The following ZNF227 variants were observed in gnomAD, a reference collection of about 807,000 sequenced individuals.
ZNF227 encodes zinc finger protein 227.
A neutral mutation model predicts 13.2 loss-of-function variants in ZNF227; 12 were observed. The observed-to-expected ratio is 0.91, with a 90% CI of 0.58 to 1.47. The LOEUF is 1.47. Ranked by LOEUF, ZNF227 falls within the 40% of genes most tolerant of loss-of-function variation. The pLI is 0.00. For synonymous variants in ZNF227, 338 were observed against 326.0 expected, an observed-to-expected ratio of 1.04 and a Z score of -0.40; for missense variants, 885 against 967.5, an observed-to-expected ratio of 0.91 and a Z score of 1.13.
At chr19:44,210,942 C>CTG (rs1971333855), upstream of ZNF227, among the ~76,000 whole-genome samples, 4 of 152,104 alleles carry the variant, frequency 2.6e-5, no homozygotes, top group South Asian at 8.3e-4. Flanking sequence ...GCCTGTAATC[C>CTG]TAGCACTTTG....
rs185920692 is a variant in ZNF227, at chr19:44,214,466, C to T, written c.-3+1222C>T. On this transcript the variant is annotated intron_variant, in intron 2 of 5. Transcript: ENST00000313040. ...TGATCTCAGCTCACTGCAACCTCCA[C>T]CTCCCAGGTTCAAGTGATTCTCCTG... is the stretch of plus-strand genomic sequence containing the variant. Among the ~76,000 whole-genome samples, 1,149 of 151,910 alleles carry T rather than the reference C, an allele frequency of 7.6e-3. 10 individuals are homozygous for T. Among genetic ancestry groups the T allele is most frequent in the Non-Finnish European group, 0.013 (905 of 67,956 alleles).
intron 3 of ZNF227, among the ~76,000 whole-genome samples, chr19:44,224,606 T>G (rs1253023305): frequency 6.6e-6 from 1 of 152,224 alleles, no homozygotes; most frequent in Non-Finnish European, 1.5e-5. Flanking sequence ...TTTTTTTTGT[T>G]TTCCATTTGC....
Position 44,234,811 on chromosome 19 carries a change from A to G in ZNF227, c.381A>G (p.Leu127=). 6.2e-7 allele frequency: 1 copy of G among 1,614,154 alleles called. No homozygotes were observed. The highest frequency in any genetic ancestry group is 8.5e-7 in the Non-Finnish European group (1 of 1,180,040). Residue 127 remains leucine (L), a synonymous_variant, in exon 6 of 6, where the codon TTA becomes TTG. Transcript: ENST00000313040. ...WQIWKQVASE[L]TRCLQGKSSQ... The stretch of plus-strand genomic sequence containing the variant: ...TCTGGAAACAGGTTGCAAGTGAATT[A>G]ACCAGGTGTCTTCAGGGGAAGAGTT...
chr19:44,210,011 G>A (rs919856833), upstream of ZNF227, among the ~76,000 whole-genome samples: 17 of 152,344 alleles, frequency 1.1e-4, no homozygotes, highest in African/African-American at 3.8e-4. Flanking sequence ...GAGGGGTTTA[G>A]TGTTTGTGGT....
chr19:44,207,741 T>C (rs1293306405), upstream of ZNF227: 1 of 152,336 alleles, frequency 6.6e-6, no homozygotes, highest in Non-Finnish European at 1.5e-5. Flanking sequence ...CGGCTGAGCC[T>C]CACGTTTGGA....
chr19:44,231,624 C>T lies in ZNF227; in HGVS notation c.271+1808C>T, dbSNP rs575233566. Among the ~76,000 whole-genome samples, 49 of 152,300 alleles carry T rather than the reference C, an allele frequency of 3.2e-4. No homozygotes were observed. The South Asian group carries it at 9.7e-3, about 30-fold the overall frequency. ...GGGATTACAGGCATGAACCACCATG[C>T]TCAGCCAAAGGGTTTGTTTTTATAA... On this transcript the variant is annotated intron_variant, in intron 5 of 5. Coordinates refer to ENST00000313040, the MANE Select transcript of ZNF227 (RefSeq NM_182490.3).
chr19:44,217,128 G>A (rs10423306), intron 2 of ZNF227, among the ~76,000 whole-genome samples: 91,607 of 151,392 alleles, frequency 0.61, 27,913 homozygotes, highest in African/African-American at 0.67. Context: ...ACGCCTGGCT[G>A]ATTTTTTTTA....
intron 5 of ZNF227, among the ~76,000 whole-genome samples, chr19:44,231,710 CAG>C (rs1287871617): frequency 6.6e-6 from 1 of 152,192 alleles, no homozygotes; most frequent in African/African-American, 2.4e-5. Context: ...CCCTTTTACT[CAG>C]AGTTAGCTCA....
At position 44,223,670 on chromosome 19, in the gene ZNF227, T is replaced by C. The variant is rs1360961333; in HGVS notation, c.61-4776T>C. Among the ~76,000 whole-genome samples the C allele has an allele frequency of 7.2e-5, 11 of 152,310 alleles. No individual in the cohort carries two copies. The East Asian group carries it at 1.9e-3, about 27-fold the overall frequency. On this transcript the variant is annotated intron_variant, in intron 3 of 5. Coordinates refer to ENST00000313040, the MANE Select transcript of ZNF227 (RefSeq NM_182490.3). ...TCTTCTCTCTTTTTTTCTTTATTAG[T>C]CTTGCTAGCGGTCTATCAATTTTGT... is the stretch of plus-strand genomic sequence containing the variant.
Position 44,221,721 on chromosome 19 carries a change from A to G in ZNF227, c.60+3869A>G, listed in dbSNP as rs868033831. ...CTCCCATTTTGTAGGTTGCCTGTCC[A>G]CTCTGATGGTAGTTTCTTTTGCTGT... On this transcript the variant is annotated intron_variant, in intron 3 of 5. Transcript: ENST00000313040. Among the ~76,000 whole-genome samples the G allele has an allele frequency of 6.6e-3, 1,003 of 151,948 alleles. 6 individuals are homozygous for G. Among genetic ancestry groups the G allele is most frequent in the African/African-American group, 0.021 (866 of 41,424 alleles).
chr19:44,217,908 CA>C, intron 3 of ZNF227, 56 bp downstream of exon 3: 1 of 1,587,758 alleles, frequency 6.3e-7, no homozygotes, highest in Non-Finnish European at 8.6e-7. Context: ...TCAAAGATAA[CA>C]GATTTATTTT....
At chr19:44,222,396 C>A (rs1194054041) in intron 3 of ZNF227, among the ~76,000 whole-genome samples, 1 of 151,864 alleles carries the variant, frequency 6.6e-6, no homozygotes, top group Admixed American at 6.6e-5. Context: ...TACCCATGAG[C>A]ATGGAATGTT....
chr19:44,234,139 T>C (rs1974162224), intron 5 of ZNF227, among the ~76,000 whole-genome samples: 1 of 152,188 alleles, frequency 6.6e-6, no homozygotes, highest in African/African-American at 2.4e-5. Context: ...AGTTCTCTCC[T>C]AGTTATACAA....
In ZNF227 at chr19:44,235,179, A is replaced by G. The variant is rs549158722; in HGVS notation, c.749A>G (p.His250Arg). 2 of 1,614,140 alleles carry G rather than the reference A, an allele frequency of 1.2e-6. No homozygotes were observed. The highest frequency in any genetic ancestry group is 1.7e-6 in the Non-Finnish European group (2 of 1,180,028). The stretch of plus-strand genomic sequence containing the variant: ...AAATTACCCTTAGGAGAGAAACCCC[A>G]TCCATGTGGTGAGTGTGGAAGGGGC... ...NQKLPLGEKP[H>R]PCGECGRGFS... The change falls in exon 6 of 6, where the codon CAT becomes CGT. Residue 250 changes from histidine to arginine, a missense_variant. Coordinates refer to ENST00000313040, the MANE Select transcript of ZNF227 (RefSeq NM_182490.3).
At chr19:44,228,594 C>T (rs746802861) in intron 4 of ZNF227, 22 bp downstream of exon 4, 7 of 1,587,862 alleles carry the variant, frequency 4.4e-6, no homozygotes, top group Non-Finnish European at 6.0e-6. Flanking sequence ...CACTCTCTGA[C>T]CCTGAACTTC....
chr19:44,236,449 G>A lies in ZNF227; in HGVS notation c.2019G>A (p.Ser673=), dbSNP rs3810137. The A allele has an allele frequency of 0.038, 61,660 of 1,612,856 alleles. 8,515 individuals carry two copies. The African/African-American group carries it at 0.41, about 11-fold the overall frequency. ...GTGGAAAGGGCTTTAGATACAGTTCGCAGTTTATATACCATCAGAGAGGCC... is the reference window on the plus strand; with the variant it reads ...GTGGAAAGGGCTTTAGATACAGTTCACAGTTTATATACCATCAGAGAGGCC... The part of the protein sequence containing the change: ...DVCGKGFRYS[S]QFIYHQRGHT... Residue 673 remains serine (S), a synonymous_variant, in exon 6 of 6, where the codon TCG becomes TCA. Transcript: ENST00000313040.
At chr19:44,213,641 A>G (rs557188682) in intron 2 of ZNF227, 6 of 151,928 alleles carry the variant, frequency 3.9e-5, no homozygotes, top group East Asian at 1.9e-4. Flanking sequence ...TTTATTTTCT[A>G]TTCCTTTTTC....
At chr19:44,232,499 A>G (rs1186626093) in intron 5 of ZNF227, among the ~76,000 whole-genome samples, 1 of 152,180 alleles carries the variant, frequency 6.6e-6, no homozygotes, top group East Asian at 1.9e-4. Flanking sequence ...TATAGCAAAA[A>G]AGATACATGT....
chr19:44,233,740 A>G (rs973292400), intron 5 of ZNF227, among the ~76,000 whole-genome samples: 1 of 152,148 alleles, frequency 6.6e-6, no homozygotes, highest in African/African-American at 2.4e-5. Context: ...TACTAAAAAT[A>G]CAAAAATTGG....
Sources: gnomAD v4.1 joint callset for allele counts (sites outside exome capture counted in the v4.1 genomes callset) on GRCh38, gnomAD v4.1.1 for gene constraint, MANE v1.5 for transcripts, NCBI Gene and HGNC (gene_info 2026-07-23, HGNC 2026-07-21) for gene names.